Variants in PKDREJ observed in about 807,000 individuals in gnomAD.
PKDREJ encodes PKD and REJ homolog.
For synonymous variants in PKDREJ, 1,031 were observed against 1,095.5 expected, an observed-to-expected ratio of 0.94 and a Z score of 1.16; for missense variants, 2,507 against 2,807.2, an observed-to-expected ratio of 0.89 and a Z score of 2.42.
chr22:46,259,408 T>G lies in PKDREJ; in HGVS notation c.3915A>C (p.Arg1305=), dbSNP rs775107392. Reference sequence around the variant, plus strand: ...TTCTACTTAAATACCAGCTAGGCGATCGACCCTCGTTGTTGTGCCACACAC... The same window carrying G: ...TTCTACTTAAATACCAGCTAGGCGAGCGACCCTCGTTGTTGTGCCACACAC... ...SIRVWHNNEG[R]SPSWYLSRIK... Residue 1305 remains arginine (R), a synonymous_variant, in exon 1 of 1, where the codon CGA becomes CGC. Transcript: ENST00000253255. The surrounding 1 kb of genome is among the most constrained non-coding windows in gnomAD (Gnocchi z 6.8). 2 of 1,614,220 alleles carry G rather than the reference T, an allele frequency of 1.2e-6. No individual in the cohort carries two copies. The highest frequency in any genetic ancestry group is 1.1e-5 in the South Asian group (1 of 91,086).
Position 46,259,773 on chromosome 22 carries a change from G to A in PKDREJ, c.3550C>T (p.Pro1184Ser). The change falls in exon 1 of 1, where the codon CCC becomes TCC. Residue 1184 changes from proline to serine, a missense_variant. Coordinates refer to ENST00000253255, the MANE Select transcript of PKDREJ (RefSeq NM_006071.2). The surrounding 1 kb of genome is among the most constrained non-coding windows in gnomAD (Gnocchi z 6.8). ...LNIIKSLHQNPVTLFTVLFII... is the reference protein window; with the variant it reads ...LNIIKSLHQNSVTLFTVLFII... ...AAAAGCACAGTGAAGAGGGTCACGG[G>A]GTTTTGGTGAAGGCTCTTGATGATG... The A allele has an allele frequency of 6.2e-7, 1 of 1,614,114 alleles. No homozygotes were observed. Among genetic ancestry groups the A allele is most frequent in the South Asian group, 1.1e-5 (1 of 91,070 alleles).
rs1393238111 is a variant in PKDREJ, at chr22:46,259,592, G to A, written c.3731C>T (p.Ser1244Phe). The A allele has an allele frequency of 6.2e-7, 1 of 1,614,040 alleles. No individual in the cohort carries two copies. Among genetic ancestry groups the A allele is most frequent in the Non-Finnish European group, 8.5e-7 (1 of 1,180,028 alleles). ...VTIFTGSRWG[S>F]GTRANVFVQL... Reference sequence around the variant, plus strand: ...CACAAAGACATTGGCCCTGGTCCCAGACCCCCAACGACTTCCTGTAAAAAT... The same window carrying A: ...CACAAAGACATTGGCCCTGGTCCCAAACCCCCAACGACTTCCTGTAAAAAT... The change falls in exon 1 of 1, where the codon TCT (serine) becomes TTT (phenylalanine). Residue 1244 changes from serine (S) to phenylalanine (F), a missense_variant. Ser to Phe is a radical substitution (Grantham distance 155, BLOSUM62 -2). Coordinates refer to ENST00000253255, the MANE Select transcript of PKDREJ (RefSeq NM_006071.2). The surrounding 1 kb of genome is among the most constrained non-coding windows in gnomAD (Gnocchi z 6.8).
chr22:46,263,315 G>C lies in PKDREJ; in HGVS notation c.8C>G (p.Pro3Arg), dbSNP rs1412864377. MR[P>R]GPALLLLGVG... The stretch of plus-strand genomic sequence containing the variant: ...GCCCAGAAGGAGGAGAGCGGGCCCA[G>C]GCCTCATGGCGCCGGCCCAGGAGAA... The change falls in exon 1 of 1, where the codon CCT becomes CGT. Residue 3 changes from proline to arginine, a missense_variant. Pro to Arg is a moderately radical substitution (Grantham distance 103). Transcript: ENST00000253255. This position sits in a 1 kb window ranked among gnomAD's most constrained non-coding sequence, Gnocchi z 9.4. 1.4e-6 allele frequency: 2 copies of C among 1,411,244 alleles called. No individual in the cohort carries two copies. The highest frequency in any genetic ancestry group is 3.1e-5 in the African/African-American group (2 of 65,528). 87.4% of individuals were successfully genotyped at this position (1,411,244 alleles called of 1,614,324 possible).
Position 46,261,133 on chromosome 22 carries a change from T to G in PKDREJ, c.2190A>C (p.Arg730Ser). Residue 730 changes from arginine (R) to serine (S), a missense_variant, in exon 1 of 1, where the codon AGA (arginine) becomes AGC (serine). Transcript: ENST00000253255. The surrounding 1 kb of genome is among the most constrained non-coding windows in gnomAD (Gnocchi z 7.1). The part of the protein sequence containing the change: ...MKTELPLRDD[R>S]VNLRKHLIDQ... The stretch of plus-strand genomic sequence containing the variant: ...CGATGAGGTGTTTTCGGAGATTGAC[T>G]CTGTCATCTCGGAGAGGTAATTCAG... 1 of 1,613,858 alleles carries G rather than the reference T, an allele frequency of 6.2e-7. No homozygotes were observed. The highest frequency in any genetic ancestry group is 8.5e-7 in the Non-Finnish European group (1 of 1,179,698).
In PKDREJ at chr22:46,260,707, G is replaced by A; in HGVS notation, c.2616C>T (p.Asn872=). 6.2e-7 allele frequency: 1 copy of A among 1,614,178 alleles called. No homozygotes were observed. The highest frequency in any genetic ancestry group is 2.2e-5 in the East Asian group (1 of 44,892). The change falls in exon 1 of 1, where the codon AAC becomes AAT. Residue 872 remains asparagine, a synonymous_variant. Transcript: ENST00000253255. This position sits in a 1 kb window ranked among gnomAD's most constrained non-coding sequence, Gnocchi z 4.5. The part of the protein sequence containing the change: ...YVKKVEKWGI[N]QLFRNEKHCR... ...AGTGTTTCTCATTTCTGAAGAGCTG[G>A]TTGATACCCCACTTTTCAACTTTCT...
Position 46,261,293 on chromosome 22 carries a change from T to A in PKDREJ, c.2030A>T (p.Lys677Met), listed in dbSNP as rs1004876047. The A allele has an allele frequency of 1.9e-6, 3 of 1,613,948 alleles. No individual in the cohort carries two copies. In the African/African-American group the frequency reaches 4.0e-5, roughly 22 times the overall value. ...ACTGAGTAACTGATTCAACACTGTC[T>A]TTGATGAATTTTTGTCAGTGGGAGC... is the stretch of plus-strand genomic sequence containing the variant. ...AQAPTDKNSS[K>M]TVLNQLLSFT... The change falls in exon 1 of 1, where the codon AAG (lysine) becomes ATG (methionine). Residue 677 changes from lysine (K) to methionine (M), a missense_variant. Lys to Met is a moderately conservative substitution (Grantham distance 95). Transcript: ENST00000253255. This position sits in a 1 kb window ranked among gnomAD's most constrained non-coding sequence, Gnocchi z 7.1.
chr22:46,259,913 A>G lies in PKDREJ; in HGVS notation c.3410T>C (p.Val1137Ala). ...GCCCAGCTGCCGCCTAGCCCTTACT[A>G]CATTCTTGCAGATGCAGTGCACCTC... is the stretch of plus-strand genomic sequence containing the variant. ...WYEVHCICKNVVRARRQLGTI... is the reference protein window; with the variant it reads ...WYEVHCICKNAVRARRQLGTI... The change falls in exon 1 of 1, where the codon GTA (valine) becomes GCA (alanine). Residue 1137 changes from valine to alanine, a missense_variant. Coordinates refer to ENST00000253255, the MANE Select transcript of PKDREJ (RefSeq NM_006071.2). The surrounding 1 kb of genome is among the most constrained non-coding windows in gnomAD (Gnocchi z 6.8). 2 of 1,613,778 alleles carry G rather than the reference A, an allele frequency of 1.2e-6. No individual in the cohort carries two copies. The highest frequency in any genetic ancestry group is 1.7e-6 in the Non-Finnish European group (2 of 1,179,976).
chr22:46,256,421 C>A lies in PKDREJ; in HGVS notation c.*140G>T. 1.4e-6 allele frequency: 2 copies of A among 1,425,898 alleles called. No individual in the cohort carries two copies. Among genetic ancestry groups the A allele is most frequent in the South Asian group, 2.8e-5 (2 of 71,980 alleles). The allele number at this position is 1,425,898 out of a possible 1,614,324, so 88.3% of individuals were successfully genotyped here. On this transcript the variant is annotated 3_prime_UTR_variant, in exon 1 of 1. Transcript: ENST00000253255. The surrounding 1 kb of genome is among the most constrained non-coding windows in gnomAD (Gnocchi z 5.3). Reference sequence around the variant, plus strand: ...AGAGCAGAGGACAAGATTGGGGATTCTTCCAAATGTAGGGGATGTGCCTTG... The same window carrying A: ...AGAGCAGAGGACAAGATTGGGGATTATTCCAAATGTAGGGGATGTGCCTTG...
chr22:46,258,597 A>T lies in PKDREJ; in HGVS notation c.4726T>A (p.Cys1576Ser). 6.2e-7 allele frequency: 1 copy of T among 1,614,136 alleles called. No homozygotes were observed. ...KKPRIVLPWW[C>S]VYVAWFLVFA... The stretch of plus-strand genomic sequence containing the variant: ...ACCAAAAACCATGCAACATAAACAC[A>T]CCACCAAGGTAGGACGATCCGGGGC... The change falls in exon 1 of 1, where the codon TGT becomes AGT. Residue 1576 changes from cysteine to serine, a missense_variant. Cys to Ser is a moderately radical substitution (Grantham distance 112, BLOSUM62 -1). Coordinates refer to ENST00000253255, the MANE Select transcript of PKDREJ (RefSeq NM_006071.2). This position sits in a 1 kb window ranked among gnomAD's most constrained non-coding sequence, Gnocchi z 6.1.
rs1425356048 is a variant in PKDREJ at position 46,257,746 on chromosome 22, C to T, written c.5577G>A (p.Lys1859=). The change falls in exon 1 of 1, where the codon AAG becomes AAA. Residue 1859 remains lysine (K), a synonymous_variant. Coordinates refer to ENST00000253255, the MANE Select transcript of PKDREJ (RefSeq NM_006071.2). This position sits in a 1 kb window ranked among gnomAD's most constrained non-coding sequence, Gnocchi z 4.7. ...IDESTNGFTY[K]PQGTQWLYYS... is the part of the protein sequence containing the mutation. ...AATATAGCCATTGCGTTCCTTGAGGCTTATAAGTAAATCCATTGGTACTCT... is the reference window on the plus strand; with the variant it reads ...AATATAGCCATTGCGTTCCTTGAGGTTTATAAGTAAATCCATTGGTACTCT... The T allele has an allele frequency of 1.9e-6, 3 of 1,614,016 alleles. No homozygotes were observed. The highest frequency in any genetic ancestry group is 2.5e-6 in the Non-Finnish European group (3 of 1,180,006).
chr22:46,259,009 G>A lies in PKDREJ; in HGVS notation c.4314C>T (p.Ile1438=). The change falls in exon 1 of 1, where the codon ATC becomes ATT. Residue 1438 remains isoleucine (I), a synonymous_variant. Coordinates refer to ENST00000253255, the MANE Select transcript of PKDREJ (RefSeq NM_006071.2). This position sits in a 1 kb window ranked among gnomAD's most constrained non-coding sequence, Gnocchi z 6.8. The part of the protein sequence containing the change: ...MIGIESVLIT[I]PVQLLITFLF... ...AAAAAGTTATTAATAATTGCACAGGGATTGTAATTAAGACACTTTCAATTC... is the reference window on the plus strand; with the variant it reads ...AAAAAGTTATTAATAATTGCACAGGAATTGTAATTAAGACACTTTCAATTC... 6.2e-7 allele frequency: 1 copy of A among 1,613,794 alleles called. No homozygotes were observed. The highest frequency in any genetic ancestry group is 1.1e-5 in the South Asian group (1 of 91,064).
rs373592312 is a variant in PKDREJ at position 46,258,837 on chromosome 22, C to G, written c.4486G>C (p.Glu1496Gln). 5.0e-6 allele frequency: 8 copies of G among 1,614,008 alleles called. No homozygotes were observed. In the African/African-American group the frequency reaches 1.1e-4, roughly 22 times the overall value. The change falls in exon 1 of 1, where the codon GAG (glutamate) becomes CAG (glutamine). Residue 1496 changes from glutamate to glutamine, a missense_variant. Coordinates refer to ENST00000253255, the MANE Select transcript of PKDREJ (RefSeq NM_006071.2). The surrounding 1 kb of genome is among the most constrained non-coding windows in gnomAD (Gnocchi z 6.1). ...AYETAKVHPR[E>Q]VAKPASKGKP... is the part of the protein sequence containing the mutation. ...CCTTTAGATGCAGGTTTTGCAACCT[C>G]CCTGGGGTGCACCTTAGCAGTTTCG...
chr22:46,259,133 A>G lies in PKDREJ; in HGVS notation c.4190T>C (p.Leu1397Ser), dbSNP rs1267474616. Residue 1397 changes from leucine (L) to serine (S), a missense_variant, in exon 1 of 1, where the codon TTG (leucine) becomes TCG (serine). Coordinates refer to ENST00000253255, the MANE Select transcript of PKDREJ (RefSeq NM_006071.2). The surrounding 1 kb of genome is among the most constrained non-coding windows in gnomAD (Gnocchi z 6.8). ...LQRLSCCLAM[L>S]LSSLLCNIMF... ...AATGTTACAAAGAAGAGAGCTAAGCAACATTGCTAAACAACAGGACAATCT... is the reference window on the plus strand; with the variant it reads ...AATGTTACAAAGAAGAGAGCTAAGCGACATTGCTAAACAACAGGACAATCT... The G allele has an allele frequency of 6.2e-7, 1 of 1,614,012 alleles. No individual in the cohort carries two copies. The highest frequency in any genetic ancestry group is 1.1e-5 in the South Asian group (1 of 91,086).
In PKDREJ at chr22:46,261,683, AC is replaced by A. The variant is rs1936698021; in HGVS notation, c.1639del (p.Val547Ter). On this transcript the variant is annotated frameshift_variant, in exon 1 of 1. Coordinates refer to ENST00000253255, the MANE Select transcript of PKDREJ (RefSeq NM_006071.2). LOFTEE classifies it low-confidence loss of function (END_TRUNC). This position sits in a 1 kb window ranked among gnomAD's most constrained non-coding sequence, Gnocchi z 7.1. Reference sequence around the variant, plus strand: ...AAAAGAATGCCTGAAGACCGAGGTCACTCCACTCCAACATGCTAGATACAGA... The same window carrying A: ...AAAAGAATGCCTGAAGACCGAGGTCATCCACTCCAACATGCTAGATACAGA... The part of the protein sequence containing the change: ...ISLYLACWSG[V>X]TSVFRHSFII... 3.7e-6 allele frequency: 6 copies of A among 1,613,996 alleles called. No homozygotes were observed. The South Asian group carries it at 5.5e-5, about 15-fold the overall frequency.
rs1001597668 is a variant in PKDREJ at position 46,260,245 on chromosome 22, G to T, written c.3078C>A (p.Ala1026=). The change falls in exon 1 of 1, where the codon GCC becomes GCA. Residue 1026 remains alanine (A), a synonymous_variant. Coordinates refer to ENST00000253255, the MANE Select transcript of PKDREJ (RefSeq NM_006071.2). This position sits in a 1 kb window ranked among gnomAD's most constrained non-coding sequence, Gnocchi z 4.5. ...GSQITPTALV[A]TFLVPHDIPP... ...GGATGTCATGAGGCACCAGGAAGGT[G>T]GCGACCAGCGCTGTGGGAGTGATCT... 1.2e-6 allele frequency: 2 copies of T among 1,614,150 alleles called. No individual in the cohort carries two copies. The highest frequency in any genetic ancestry group is 1.7e-6 in the Non-Finnish European group (2 of 1,180,022).
In PKDREJ at chr22:46,260,516, A is replaced by G; in HGVS notation, c.2807T>C (p.Val936Ala). Residue 936 changes from valine (V) to alanine (A), a missense_variant, in exon 1 of 1, where the codon GTT (valine) becomes GCT (alanine). Coordinates refer to ENST00000253255, the MANE Select transcript of PKDREJ (RefSeq NM_006071.2). This position sits in a 1 kb window ranked among gnomAD's most constrained non-coding sequence, Gnocchi z 4.5. The part of the protein sequence containing the change: ...VEVSGFRMTG[V>A]ADNGSVLEIT... Reference sequence around the variant, plus strand: ...CTCTAGCACACTACCGTTATCTGCAACTCCTGTCATTCTGAATCCAGACAC... The same window carrying G: ...CTCTAGCACACTACCGTTATCTGCAGCTCCTGTCATTCTGAATCCAGACAC... The G allele has an allele frequency of 6.2e-7, 1 of 1,613,942 alleles. No homozygotes were observed. The highest frequency in any genetic ancestry group is 8.5e-7 in the Non-Finnish European group (1 of 1,179,968).
Position 46,257,324 on chromosome 22 carries a change from A to C in PKDREJ, c.5999T>G (p.Leu2000Trp). The C allele has an allele frequency of 6.2e-7, 1 of 1,614,108 alleles. No individual in the cohort carries two copies. The change falls in exon 1 of 1, where the codon TTG (leucine) becomes TGG (tryptophan). Residue 2000 changes from leucine to tryptophan, a missense_variant. Coordinates refer to ENST00000253255, the MANE Select transcript of PKDREJ (RefSeq NM_006071.2). This position sits in a 1 kb window ranked among gnomAD's most constrained non-coding sequence, Gnocchi z 4.7. ...RASYVRSVYN[L>W]LNFALKCIFT... ...TATGCACTTTAAAGCAAAGTTGAGC[A>C]AATTATACACACTTCTCACATAGGA...
Position 46,261,203 on chromosome 22 carries a change from C to A in PKDREJ, c.2120G>T (p.Gly707Val), listed in dbSNP as rs756283428. The change falls in exon 1 of 1, where the codon GGT (glycine) becomes GTT (valine). Residue 707 changes from glycine to valine, a missense_variant. Physicochemically the swap from Gly to Val is moderately radical, Grantham distance 109 (BLOSUM62 -3). Coordinates refer to ENST00000253255, the MANE Select transcript of PKDREJ (RefSeq NM_006071.2). The surrounding 1 kb of genome is among the most constrained non-coding windows in gnomAD (Gnocchi z 7.1). ...LIQKKDFLPA[G>V]YLLYIVASVL... The stretch of plus-strand genomic sequence containing the variant: ...GGAAGCTACTATATACAGTAAGTAA[C>A]CTGCAGGTAAAAAATCCTTCTTTTG... 6.2e-7 allele frequency: 1 copy of A among 1,614,004 alleles called. No homozygotes were observed. Among genetic ancestry groups the A allele is most frequent in the Admixed American group, 1.7e-5 (1 of 60,028 alleles).
Position 46,258,684 on chromosome 22 carries a change from C to A in PKDREJ, c.4639G>T (p.Asp1547Tyr). 1 of 1,614,202 alleles carries A rather than the reference C, an allele frequency of 6.2e-7. No individual in the cohort carries two copies. Among genetic ancestry groups the A allele is most frequent in the South Asian group, 1.1e-5 (1 of 91,074 alleles). Reference protein sequence around the residue: ...NTNSNNNIEDDQDVHSEQHPS... With the variant: ...NTNSNNNIEDYQDVHSEQHPS... ...TGCTGTTCGGAATGGACATCCTGATCATCTTCTATGTTGTTATTGGAATTT... is the reference window on the plus strand; with the variant it reads ...TGCTGTTCGGAATGGACATCCTGATAATCTTCTATGTTGTTATTGGAATTT... Residue 1547 changes from aspartate (D) to tyrosine (Y), a missense_variant, in exon 1 of 1, where the codon GAT becomes TAT. Asp to Tyr is a radical substitution (Grantham distance 160). Transcript: ENST00000253255. The surrounding 1 kb of genome is among the most constrained non-coding windows in gnomAD (Gnocchi z 6.1).
Sources: gnomAD v4.1 joint callset for allele counts on GRCh38, gnomAD v4.1.1 for gene constraint, Gnocchi (gnomAD v3.1) non-coding constraint, MANE v1.5 for transcripts, NCBI Gene and HGNC (gene_info 2026-07-23, HGNC 2026-07-21) for gene names.